RBFOX1: variants seen among roughly 807,000 people sequenced by gnomAD.
RBFOX1 encodes the protein RNA binding protein fox-1 homolog 1.
In RBFOX1, 8 loss-of-function variants were observed where a neutral mutation model predicts 57.7. The observed-to-expected ratio is 0.14, with a 90% CI of 0.08 to 0.25. RBFOX1 has a LOEUF of 0.25. Ranked by LOEUF, RBFOX1 falls within the 10% of genes least tolerant of loss-of-function variation. RBFOX1 has a pLI of 1.00. For missense variants in RBFOX1, 611 were observed against 548.5 expected, an observed-to-expected ratio of 1.11 and a Z score of -1.14; for synonymous variants, 326 against 222.4, an observed-to-expected ratio of 1.47 and a Z score of -4.15.
chr16:7,398,575 G>T (rs191731261), intron 4 of RBFOX1, among the ~76,000 whole-genome samples: 6 of 152,346 alleles, frequency 3.9e-5, no homozygotes, highest in African/African-American at 4.8e-5. Flanking sequence ...TTGATCCCCA[G>T]TGTGACAAAT....
chr16:5,471,342 T>A (rs559325303), intron 2 of RBFOX1, among the ~76,000 whole-genome samples: 1 of 152,286 alleles, frequency 6.6e-6, no homozygotes, highest in African/African-American at 2.4e-5. Context: ...AGTTGAGATG[T>A]TTTTTAACTG....
At chr16:5,789,771 C>G (rs1349235402) in intron 3 of RBFOX1, among the ~76,000 whole-genome samples, 1 of 152,174 alleles carries the variant, frequency 6.6e-6, no homozygotes. Flanking sequence ...TAAGCCAGTG[C>G]TCAAGTCCTA....
At chr16:6,793,927 G>T (rs1289268428) in intron 3 of RBFOX1, among the ~76,000 whole-genome samples, 1 of 152,108 alleles carries the variant, frequency 6.6e-6, no homozygotes, top group Admixed American at 6.5e-5. Flanking sequence ...GTCCAGGGGA[G>T]TGATCACATA....
chr16:5,386,928 G>A (rs992826513), intron 1 of RBFOX1, among the ~76,000 whole-genome samples: 3 of 152,210 alleles, frequency 2.0e-5, no homozygotes, highest in African/African-American at 7.2e-5. Context: ...GTGGGTGCCT[G>A]TAATCCCAGC....
At chr16:5,286,338 C>G (rs142782137) in intron 1 of RBFOX1, among the ~76,000 whole-genome samples, 3,963 of 152,106 alleles carry the variant, frequency 0.026, 190 homozygotes, top group African/African-American at 0.091. Context: ...GTGTGGCATT[C>G]TGATCTCTAG....
At chr16:6,625,569 T>G (rs749159391) in intron 2 of RBFOX1, among the ~76,000 whole-genome samples, 2 of 152,204 alleles carry the variant, frequency 1.3e-5, no homozygotes, top group Non-Finnish European at 2.9e-5. Flanking sequence ...TCTCTCTGCC[T>G]ACTCAGATGG....
intron 4 of RBFOX1, among the ~76,000 whole-genome samples, chr16:7,383,852 C>G (rs1250031600): frequency 6.6e-6 from 1 of 151,860 alleles, no homozygotes; most frequent in East Asian, 1.9e-4. Flanking sequence ...GTCAGAAGAT[C>G]GAGACTATCC....
intron 3 of RBFOX1, among the ~76,000 whole-genome samples, chr16:7,017,796 G>A (rs905135461): frequency 3.9e-5 from 6 of 152,140 alleles, no homozygotes; most frequent in African/African-American, 1.4e-4. Context: ...AAAGAACATC[G>A]TGGTGTGCTT....
At chr16:6,215,873 C>T (rs536201541) in intron 1 of RBFOX1, among the ~76,000 whole-genome samples, 3 of 152,238 alleles carry the variant, frequency 2.0e-5, no homozygotes, top group Admixed American at 1.3e-4. Context: ...TCGCCACATG[C>T]CCACTGAAAG....
intron 3 of RBFOX1, among the ~76,000 whole-genome samples, chr16:6,667,986 C>G (rs895753555): frequency 6.6e-6 from 1 of 152,102 alleles, no homozygotes; most frequent in African/African-American, 2.4e-5. Context: ...GACTCTGTTT[C>G]TTAGATTCCT....
At chr16:6,201,934 C>T (rs1008578723) in intron 1 of RBFOX1, among the ~76,000 whole-genome samples, 2 of 152,110 alleles carry the variant, frequency 1.3e-5, no homozygotes, top group Non-Finnish European at 2.9e-5. Context: ...TGAGATGGGG[C>T]ATAAATATTG....
intron 3 of RBFOX1, among the ~76,000 whole-genome samples, chr16:5,670,912 C>T (rs2049995377): frequency 6.6e-6 from 1 of 152,220 alleles, no homozygotes; most frequent in South Asian, 2.1e-4. Flanking sequence ...ATAAGCTCCA[C>T]TTTGCAGATG....
At chr16:7,589,233 GTGT>G (rs554970091) in intron 7 of RBFOX1, among the ~76,000 whole-genome samples, 13 of 152,268 alleles carry the variant, frequency 8.5e-5, no homozygotes, top group East Asian at 7.7e-4. Context: ...CTTCAAAGAT[GTGT>G]TGTTGTTGTT....
chr16:7,603,051 A>G (rs2095122280), intron 9 of RBFOX1, among the ~76,000 whole-genome samples: 1 of 152,240 alleles, frequency 6.6e-6, no homozygotes, highest in South Asian at 2.1e-4. Flanking sequence ...ACGGCATGCC[A>G]AAGTCTATGG....
rs943371546 is a variant in RBFOX1 at position 7,185,205 on chromosome 16, C to G, written c.27+133107C>G. On this transcript the variant is annotated intron_variant, in intron 4 of 15. Coordinates refer to ENST00000550418, the MANE Select transcript of RBFOX1 (RefSeq NM_018723.4). The stretch of plus-strand genomic sequence containing the variant: ...AATTTCACATTATACCTCTCTCTCT[C>G]TCTCTGCAGATTTCAGTCACTTATG... Among the ~76,000 whole-genome samples, 18 of 152,282 alleles carry G rather than the reference C, an allele frequency of 1.2e-4. No individual in the cohort carries two copies. In the East Asian group the frequency reaches 2.9e-3, roughly 25 times the overall value.
rs147072981 is a variant in RBFOX1 at position 6,111,012 on chromosome 16, C to T, written c.-127+91020C>T. Among the ~76,000 whole-genome samples the T allele has an allele frequency of 7.8e-4, 118 of 152,082 alleles. 1 individual carries two copies. The highest frequency in any genetic ancestry group is 2.5e-3 in the African/African-American group (102 of 41,490). On this transcript the variant is annotated intron_variant, in intron 1 of 15. Transcript: ENST00000550418. ...AGGTACCAGCATATTTATGAGGGTT[C>T]AGTGGAAGGAAGAGATTCTCATGGG...
intron 14 of RBFOX1, among the ~76,000 whole-genome samples, chr16:7,687,921 A>G (rs2076413143): frequency 6.6e-6 from 1 of 151,970 alleles, no homozygotes; most frequent in South Asian, 2.1e-4. Context: ...TTTCAGGCAT[A>G]TCTGTACATG....
intron 4 of RBFOX1, among the ~76,000 whole-genome samples, chr16:5,920,711 G>A (rs2058802606): frequency 6.6e-6 from 1 of 152,170 alleles, no homozygotes; most frequent in Non-Finnish European, 1.5e-5. Flanking sequence ...TTGAGATGCA[G>A]GGCCGTCCCT....
chr16:6,947,507 C>T (rs138286629), intron 3 of RBFOX1, among the ~76,000 whole-genome samples: 9 of 152,120 alleles, frequency 5.9e-5, no homozygotes, highest in Non-Finnish European at 1.0e-4. Context: ...TGAAATAGAG[C>T]GAAAAAGAGA....
Sources: gnomAD v4.1 joint callset for allele counts (sites outside exome capture counted in the v4.1 genomes callset) on GRCh38, gnomAD v4.1.1 for gene constraint, MANE v1.5 for transcripts, NCBI Gene and HGNC (gene_info 2026-07-23, HGNC 2026-07-21) for gene names.